The following GIPC2 variants were observed in gnomAD, a reference collection of about 807,000 sequenced individuals.
GIPC2 encodes the protein PDZ domain-containing protein GIPC2.
GIPC2 carries 30 observed loss-of-function variants against 30.6 expected under a neutral mutation model. That is an observed-to-expected ratio of 0.98 (90% CI 0.73 to 1.33). The LOEUF (loss-of-function observed/expected upper bound fraction) is 1.33. Among genes scored for constraint, GIPC2 ranks in the 40% most tolerant of loss-of-function variants. The pLI, the probability that GIPC2 is intolerant of heterozygous loss-of-function variation, is 0.00. For missense variants in GIPC2, 414 were observed against 390.3 expected (o/e 1.06, Z -0.51); for synonymous variants, 167 against 150.0 (o/e 1.11, Z -0.83).
chr1:78,136,466 T>C lies in GIPC2; in HGVS notation c.*723T>C, dbSNP rs1173848770. The C allele has an allele frequency of 6.6e-6, 1 of 152,100 alleles. No homozygotes were observed. Among genetic ancestry groups the C allele is most frequent in the Non-Finnish European group, 1.5e-5 (1 of 67,980 alleles). 9.4% of individuals were successfully genotyped at this position (152,100 alleles called of 1,614,324 possible). The stretch of plus-strand genomic sequence containing the variant: ...GGTAGAACTACTTGCATTTGATTTT[T>C]TTTTCAGTCCTTAAAACATTATTTC... On this transcript the variant is annotated 3_prime_UTR_variant, in exon 6 of 6. Transcript: ENST00000370759.
chr1:78,122,596 C>T (rs1662702689), intron 4 of GIPC2, among the ~76,000 whole-genome samples: 1 of 152,170 alleles, frequency 6.6e-6, no homozygotes, highest in Admixed American at 6.5e-5. Flanking sequence ...CTTGTGAGAA[C>T]TCCCTCACTA....
intron 4 of GIPC2, among the ~76,000 whole-genome samples, chr1:78,121,299 T>TGACTG (rs1662678379): frequency 6.6e-6 from 1 of 152,032 alleles, no homozygotes; most frequent in Non-Finnish European, 1.5e-5. Context: ...GTCGAGCAGG[T>TGACTG]GACTGATGCC....
At chr1:78,117,336 GTCTCCGGT>G (rs1364205121) in intron 3 of GIPC2, among the ~76,000 whole-genome samples, 1 of 152,176 alleles carries the variant, frequency 6.6e-6, no homozygotes, top group Non-Finnish European at 1.5e-5. Context: ...GTGCTCAGTT[GTCTCCGGT>G]TCTTTAGTGC....
At chr1:78,045,480 C>A, upstream of GIPC2, 1 of 778,332 alleles carries the variant, frequency 1.3e-6, no homozygotes, top group Non-Finnish European at 1.6e-6. Flanking sequence ...GGAGAGGAAG[C>A]AGCCCAGGAA....
chr1:78,094,845 C>T (rs1662106750), intron 2 of GIPC2, 107 bp from the exon 3 acceptor site: 2 of 686,638 alleles, frequency 2.9e-6, no homozygotes, highest in South Asian at 4.4e-5. Context: ...GTCTCCCATC[C>T]AAGTACTAAC....
Position 78,100,598 on chromosome 1 carries a change from C to A in GIPC2, c.607+5466C>A, listed in dbSNP as rs188633752. On this transcript the variant is annotated intron_variant, in intron 3 of 5. Coordinates refer to ENST00000370759, the MANE Select transcript of GIPC2 (RefSeq NM_017655.6). ...AAGAAATTATAAATACAATTTTGGACTAAATGAATTTGAAATCTGTGGAAC... is the reference window on the plus strand; with the variant it reads ...AAGAAATTATAAATACAATTTTGGAATAAATGAATTTGAAATCTGTGGAAC... 2.1e-3 allele frequency among the ~76,000 whole-genome samples: 312 copies of A among 152,144 alleles called. 4 individuals are homozygous for A. The highest frequency in any genetic ancestry group is 6.7e-3 in the African/African-American group (280 of 41,502).
chr1:78,124,106 C>T (rs1227301378), intron 4 of GIPC2, among the ~76,000 whole-genome samples: 1 of 152,110 alleles, frequency 6.6e-6, no homozygotes, highest in Non-Finnish European at 1.5e-5. Flanking sequence ...TCTACATTTG[C>T]ATGTATAGTT....
At chr1:78,074,524 A>T (rs1661679385) in intron 1 of GIPC2, among the ~76,000 whole-genome samples, 1 of 152,200 alleles carries the variant, frequency 6.6e-6, no homozygotes, top group Admixed American at 6.5e-5. Flanking sequence ...ACACTTACTG[A>T]ATTTTTGTAA....
chr1:78,053,745 TAA>T (rs11384461), intron 1 of GIPC2, among the ~76,000 whole-genome samples: 31 of 88,652 alleles, frequency 3.5e-4, no homozygotes, highest in African/African-American at 9.0e-4. Context: ...CCCTGCCTCT[TAA>T]AAAAAAAAAA....
intron 3 of GIPC2, among the ~76,000 whole-genome samples, chr1:78,111,604 A>G (rs925282545): frequency 1.3e-5 from 2 of 152,366 alleles, no homozygotes; most frequent in African/African-American, 2.4e-5. Flanking sequence ...GAAAATCTAT[A>G]TAAGTTGTTT....
At chr1:78,046,783 G>C (rs1484361504) in intron 1 of GIPC2, among the ~76,000 whole-genome samples, 1 of 151,466 alleles carries the variant, frequency 6.6e-6, no homozygotes, top group African/African-American at 2.4e-5. Flanking sequence ...GATTAACGGG[G>C]GAAAAAAAAA....
At chr1:78,104,438 G>A (rs1397248814) in intron 3 of GIPC2, among the ~76,000 whole-genome samples, 2 of 152,116 alleles carry the variant, frequency 1.3e-5, no homozygotes, top group African/African-American at 4.8e-5. Flanking sequence ...TAGAACTGAA[G>A]AATGACATGA....
chr1:78,105,813 G>A (rs560916146), intron 3 of GIPC2, among the ~76,000 whole-genome samples: 2 of 152,228 alleles, frequency 1.3e-5, no homozygotes, highest in African/African-American at 4.8e-5. Flanking sequence ...TTCTCCCCAA[G>A]AGTATTTTTA....
At chr1:78,126,262 G>A (rs780553768) in intron 5 of GIPC2, among the ~76,000 whole-genome samples, 1 of 152,156 alleles carries the variant, frequency 6.6e-6, no homozygotes, top group Non-Finnish European at 1.5e-5. Context: ...AATGAATTTT[G>A]TAGATGATAC....
At chr1:78,108,251 T>G (rs1662397406) in intron 3 of GIPC2, among the ~76,000 whole-genome samples, 3 of 152,218 alleles carry the variant, frequency 2.0e-5, no homozygotes, top group Non-Finnish European at 4.4e-5. Context: ...AATCTTTTTT[T>G]GTAACACAGT....
chr1:78,122,733 A>G (rs1034732716), intron 4 of GIPC2, among the ~76,000 whole-genome samples: 4 of 152,244 alleles, frequency 2.6e-5, no homozygotes, highest in Non-Finnish European at 5.9e-5. Context: ...AACCATATCA[A>G]TTCTCCACTT....
chr1:78,109,951 A>G (rs527730314), intron 3 of GIPC2, among the ~76,000 whole-genome samples: 4 of 151,180 alleles, frequency 2.6e-5, no homozygotes, highest in South Asian at 4.2e-4. Context: ...AACACCAAAC[A>G]CTGCATGTTC....
intron 3 of GIPC2, among the ~76,000 whole-genome samples, chr1:78,099,746 C>T (rs1662205688): frequency 6.6e-6 from 1 of 152,058 alleles, no homozygotes; most frequent in African/African-American, 2.4e-5. Context: ...CCAGGAAAAG[C>T]TTTCTAAGGA....
intron 1 of GIPC2, among the ~76,000 whole-genome samples, chr1:78,059,947 A>G (rs1661362388): frequency 6.6e-6 from 1 of 152,226 alleles, no homozygotes; most frequent in Non-Finnish European, 1.5e-5. Flanking sequence ...TTTGGAAAAT[A>G]GAATTCTATG....
Sources: gnomAD v4.1 joint callset for allele counts (sites outside exome capture counted in the v4.1 genomes callset) on GRCh38, gnomAD v4.1.1 for gene constraint, MANE v1.5 for transcripts, NCBI Gene and HGNC (gene_info 2026-07-23, HGNC 2026-07-21) for gene names.